The following GALNT10 variants were observed in gnomAD, a reference collection of about 807,000 sequenced individuals.
GALNT10 encodes polypeptide N-acetylgalactosaminyltransferase 10, also known as GalNAc transferase 10.
In GALNT10, 41 loss-of-function variants were observed where a neutral mutation model predicts 75.0. The observed-to-expected ratio is 0.55, with a 90% CI of 0.43 to 0.71. The LOEUF is 0.71. Ranked by LOEUF, GALNT10 falls within the 30% of genes least tolerant of loss-of-function variation. GALNT10 has a pLI of 0.00. For missense variants in GALNT10, 727 were observed against 818.5 expected (o/e 0.89, Z 1.36); for synonymous variants, 302 against 313.0 (o/e 0.96, Z 0.37).
At chr5:154,256,648 G>C (rs770152491) in intron 1 of GALNT10, among the ~76,000 whole-genome samples, 33 of 152,104 alleles carry the variant, frequency 2.2e-4, no homozygotes, top group Non-Finnish European at 4.3e-4. Context: ...GAGGGCTTGT[G>C]ATGAAGATAT....
At chr5:154,337,186 A>G (rs1754957481) in intron 4 of GALNT10, among the ~76,000 whole-genome samples, 1 of 152,196 alleles carries the variant, frequency 6.6e-6, no homozygotes, top group South Asian at 2.1e-4. Flanking sequence ...AATCAACAGC[A>G]TGGGTGCAAA....
At chr5:154,318,116 AC>A (rs533652988) in intron 3 of GALNT10, among the ~76,000 whole-genome samples, 38 of 152,352 alleles carry the variant, frequency 2.5e-4, no homozygotes, top group African/African-American at 9.1e-4. Flanking sequence ...TCCTTTGGCC[AC>A]CCTCAAGGCA....
At chr5:154,377,242 G>A (rs1422945197) in intron 5 of GALNT10, among the ~76,000 whole-genome samples, 1 of 152,192 alleles carries the variant, frequency 6.6e-6, no homozygotes, top group Non-Finnish European at 1.5e-5. Flanking sequence ...TGAGGGCAGT[G>A]TGCTGGTGCT....
At chr5:154,395,018 C>G (rs10069053) in intron 7 of GALNT10, among the ~76,000 whole-genome samples, 14,873 of 152,234 alleles carry the variant, frequency 0.098, 859 homozygotes, top group African/African-American at 0.16. Flanking sequence ...GCCTGTGGAG[C>G]CTGCTTCTCC....
At chr5:154,223,984 G>C (rs1753024285) in intron 1 of GALNT10, among the ~76,000 whole-genome samples, 2 of 152,198 alleles carry the variant, frequency 1.3e-5, no homozygotes, top group Admixed American at 1.3e-4. Flanking sequence ...CATAAGTAAT[G>C]ATGCAGAGGT....
At chr5:154,415,189 C>G (rs963789026) in intron 10 of GALNT10, among the ~76,000 whole-genome samples, 1 of 152,126 alleles carries the variant, frequency 6.6e-6, no homozygotes, top group African/African-American at 2.4e-5. Flanking sequence ...ACATTTTGGA[C>G]CTTGTAGTAA....
chr5:154,255,147 TC>T (rs1753586408), intron 1 of GALNT10, among the ~76,000 whole-genome samples: 1 of 151,912 alleles, frequency 6.6e-6, no homozygotes, highest in East Asian at 1.9e-4. Flanking sequence ...AGTGAGAAAA[TC>T]CTTTCCCTAA....
intron 3 of GALNT10, among the ~76,000 whole-genome samples, chr5:154,313,713 ATGTC>A (rs1754557779): frequency 6.6e-6 from 1 of 152,178 alleles, no homozygotes; most frequent in South Asian, 2.1e-4. Context: ...GAGAAAGCTC[ATGTC>A]TGTCTCATCC....
At chr5:154,288,835 T>C (rs1460866967) in intron 1 of GALNT10, among the ~76,000 whole-genome samples, 1 of 152,250 alleles carries the variant, frequency 6.6e-6, no homozygotes, top group East Asian at 1.9e-4. Flanking sequence ...TTGCTGTCTT[T>C]TGAGAAGCAA....
chr5:154,376,597 A>G lies in GALNT10; in HGVS notation c.754+135A>G, dbSNP rs947910744. ...TGCCCCCAGCACAATGCCAGGTGCC[A>G]TGAGGGATTCAGAAGTTCAGGAGTG... On this transcript the variant is annotated intron_variant, in intron 5 of 11. Coordinates refer to ENST00000297107, the MANE Select transcript of GALNT10 (RefSeq NM_198321.4). This position sits in a 1 kb window ranked among gnomAD's most constrained non-coding sequence, Gnocchi z 4.1. The G allele has an allele frequency of 3.4e-6, 2 of 592,656 alleles. No individual in the cohort carries two copies. Among genetic ancestry groups the G allele is most frequent in the Non-Finnish European group, 2.9e-6 (1 of 344,654 alleles). The allele number at this position is 592,656 out of a possible 1,614,324, so 36.7% of individuals were successfully genotyped here.
intron 1 of GALNT10, among the ~76,000 whole-genome samples, chr5:154,203,462 C>T (rs928032918): frequency 3.3e-5 from 5 of 152,190 alleles, no homozygotes; most frequent in Non-Finnish European, 7.3e-5. Context: ...ATGGGGAACT[C>T]ACCTCCTTTA....
chr5:154,329,609 A>G lies in GALNT10; in HGVS notation c.439A>G (p.Thr147Ala). The G allele has an allele frequency of 6.2e-7, 1 of 1,613,894 alleles. No homozygotes were observed. Among genetic ancestry groups the G allele is most frequent in the Non-Finnish European group, 8.5e-7 (1 of 1,179,844 alleles). ...SKRYLETLPN[T>A]SIIIPFHNEG... ...GCGCTACCTGGAGACACTTCCCAAC[A>G]CAAGCATCATCATCCCCTTCCACAA... Residue 147 changes from threonine to alanine, a missense_variant, in exon 4 of 12, where the codon ACA becomes GCA. Transcript: ENST00000297107.
chr5:154,270,540 G>A (rs187656489), intron 1 of GALNT10, among the ~76,000 whole-genome samples: 2 of 152,200 alleles, frequency 1.3e-5, no homozygotes, highest in Admixed American at 1.3e-4. Flanking sequence ...AGAGGACGAT[G>A]ATGAGCACTT....
intron 1 of GALNT10, among the ~76,000 whole-genome samples, chr5:154,220,629 T>G (rs753656498): frequency 5.3e-5 from 8 of 152,156 alleles, no homozygotes; most frequent in Non-Finnish European, 1.0e-4. Context: ...TGAAAGAACT[T>G]CCAAGCAAAT....
At chr5:154,415,693 A>T in intron 10 of GALNT10, 90 bp from the exon 11 acceptor site, 1 of 1,195,988 alleles carries the variant, frequency 8.4e-7, no homozygotes, top group Non-Finnish European at 1.2e-6. Flanking sequence ...TGGACCTCTG[A>T]GTTTAAATTT....
Position 154,307,582 on chromosome 5 carries a change from T to C in GALNT10, c.401+9503T>C, listed in dbSNP as rs562133877. On this transcript the variant is annotated intron_variant, in intron 3 of 11. Transcript: ENST00000297107. ...TTGCAGTGAGTCGAGATCGCACCAC[T>C]GCACTCCAGCCTGGGCGACAGAGTG... Among the ~76,000 whole-genome samples the C allele has an allele frequency of 2.0e-5, 3 of 147,834 alleles. No homozygotes were observed. In the South Asian group the frequency reaches 6.4e-4, roughly 31 times the overall value.
intron 1 of GALNT10, among the ~76,000 whole-genome samples, chr5:154,207,945 T>A (rs1775136206): frequency 6.6e-6 from 1 of 151,962 alleles, no homozygotes; most frequent in Non-Finnish European, 1.5e-5. Flanking sequence ...AGTTCAATAG[T>A]TGAAAGAGAT....
intron 1 of GALNT10, among the ~76,000 whole-genome samples, chr5:154,282,729 C>T (rs544922594): frequency 1.3e-5 from 2 of 152,294 alleles, no homozygotes; most frequent in South Asian, 4.1e-4. Context: ...CCTCAGAACC[C>T]TTTTATGGTA....
intron 1 of GALNT10, among the ~76,000 whole-genome samples, chr5:154,241,920 T>G (rs1753342148): frequency 1.3e-5 from 2 of 152,214 alleles, no homozygotes; most frequent in Non-Finnish European, 2.9e-5. Flanking sequence ...ACTACAAGAC[T>G]TAGAAGTGGC....
Sources: allele counts gnomAD v4.1 joint callset (sites outside exome capture counted in the v4.1 genomes callset), GRCh38; gene constraint gnomAD v4.1.1; non-coding constraint Gnocchi (gnomAD v3.1); transcripts MANE v1.5; gene names NCBI Gene and HGNC (gene_info 2026-07-23, HGNC 2026-07-21).